The following SACS variants were observed in gnomAD, a reference collection of about 807,000 sequenced individuals.
SACS encodes the protein sacsin molecular chaperone.
SACS carries 197 observed loss-of-function variants against 348.0 expected under a neutral mutation model. The ratio of observed to expected loss-of-function variants is 0.57; its 90% CI spans 0.50 to 0.64. The LOEUF is 0.64. SACS is among the 30% of genes least tolerant of loss of function. The probability of loss-of-function intolerance (pLI) is 0.00; values close to 1 mark genes in which losing one functional copy is unlikely to be tolerated. For synonymous variants in SACS, 1,985 were observed against 1,910.6 expected, an observed-to-expected ratio of 1.04 and a Z score of -1.02; for missense variants, 4,999 against 5,360.8, an observed-to-expected ratio of 0.93 and a Z score of 2.11.
intron 5 of SACS, among the ~76,000 whole-genome samples, chr13:23,366,696 T>TC (rs1871087832): frequency 6.6e-6 from 1 of 152,174 alleles, no homozygotes; most frequent in South Asian, 2.1e-4. Context: ...AAAATCTAAG[T>TC]CCCAGGTTCC....
At position 23,402,174 on chromosome 13, in the gene SACS, T is replaced by A. The variant is rs9550969; in HGVS notation, c.20+9046A>T. ...GCCTGGGCAAAAGAGCGAGACTCCATCTCGAAAAAAAAAAAAAAAAGACTT... is the reference window on the plus strand; with the variant it reads ...GCCTGGGCAAAAGAGCGAGACTCCAACTCGAAAAAAAAAAAAAAAAGACTT... On this transcript the variant is annotated intron_variant, in intron 2 of 9. Coordinates refer to ENST00000382292, the MANE Select transcript of SACS (RefSeq NM_014363.6). Among the ~76,000 whole-genome samples the A allele has an allele frequency of 2.2e-4, 31 of 138,826 alleles. No homozygotes were observed. In the East Asian group the frequency reaches 5.6e-3, roughly 25 times the overall value. 91.1% of individuals were successfully genotyped at this position (138,826 alleles called of 152,430 possible).
chr13:23,362,366 TATAAAAATGA>T (rs1015271888), intron 6 of SACS, among the ~76,000 whole-genome samples: 5 of 152,156 alleles, frequency 3.3e-5, no homozygotes, highest in African/African-American at 1.2e-4. Context: ...TATCTCATTA[TATAAAAATGA>T]ATAAAAATAA....
Position 23,340,588 on chromosome 13 carries a change from G to C in SACS, c.3288C>G (p.Ala1096=). 1.2e-6 allele frequency: 2 copies of C among 1,613,404 alleles called. No homozygotes were observed. Residue 1096 remains alanine, a synonymous_variant, in exon 10 of 10, where the codon GCC becomes GCG. Coordinates refer to ENST00000382292, the MANE Select transcript of SACS (RefSeq NM_014363.6). ...GCACAACATCCTTTTCTTTGAGACT[G>C]GCTTCGTTTTTTAAACCAATCTGTC... The part of the protein sequence containing the change: ...SLRQIGLKNE[A]SLKEKDVVQV...
intron 2 of SACS, among the ~76,000 whole-genome samples, chr13:23,399,037 A>AAAAAAAAAAAC (rs55848856): frequency 1.3e-5 from 2 of 149,736 alleles, no homozygotes; most frequent in African/African-American, 5.0e-5. Context: ...AAAAAAAAAA[A>AAAAAAAAAAAC]CATGGATGCC....
intron 9 of SACS, 87 bp from the exon 10 acceptor site, chr13:23,341,777 GTTCTT>G (rs1869255907): frequency 6.5e-6 from 4 of 616,886 alleles, no homozygotes; most frequent in East Asian, 3.8e-5. Flanking sequence ...GTACTGGAAG[GTTCTT>G]TTTTTTTTTT....
rs372602264 is a variant in SACS, at chr13:23,335,654, A to G, written c.8222T>C (p.Leu2741Pro). 4 of 1,613,904 alleles carry G rather than the reference A, an allele frequency of 2.5e-6. No homozygotes were observed. The highest frequency in any genetic ancestry group is 3.4e-6 in the Non-Finnish European group (4 of 1,179,916). Residue 2741 changes from leucine (L) to proline (P), a missense_variant, in exon 10 of 10, where the codon CTT (leucine) becomes CCT (proline). This residue lies in a region of SACS where 3,156 missense variants were observed against 3,380.1 expected (regional missense o/e 0.93). Coordinates refer to ENST00000382292, the MANE Select transcript of SACS (RefSeq NM_014363.6). This position sits in a 1 kb window ranked among gnomAD's most constrained non-coding sequence, Gnocchi z 4.7. The part of the protein sequence containing the change: ...RSDGAELLMF[L>P]NHMEKISICE... ...AATAGAAATTTTTTCCATGTGATTA[A>G]GAAACATTAGAAGTTCTGCCCCATC...
intron 2 of SACS, among the ~76,000 whole-genome samples, chr13:23,403,969 AACTT>A (rs1205803608): frequency 1.3e-5 from 2 of 152,166 alleles, no homozygotes; most frequent in African/African-American, 2.4e-5. Context: ...GGTTTCAAAG[AACTT>A]ATTTATTTCT....
At position 23,432,573 on chromosome 13, in the gene SACS, G is replaced by A. The variant is rs548398731; in HGVS notation, c.-502+1042C>T. 1.5e-4 allele frequency among the ~76,000 whole-genome samples: 23 copies of A among 152,290 alleles called. 1 individual carries two copies. The South Asian group carries it at 3.1e-3, about 21-fold the overall frequency. ...TGGGACATCATGACCCTGCATTAAC[G>A]TAGAATGAGTCTGGTTATCAATGGG... On this transcript the variant is annotated intron_variant, in intron 1 of 9. Transcript: ENST00000382292.
intron 8 of SACS, 21 bp from the exon 9 acceptor site, chr13:23,353,897 C>A (rs757227466): frequency 7.7e-7 from 1 of 1,304,476 alleles, no homozygotes. Context: ...AAAGGAACAG[C>A]AATCATCATA....
At chr13:23,388,124 A>G (rs959686466) in intron 2 of SACS, among the ~76,000 whole-genome samples, 4 of 152,282 alleles carry the variant, frequency 2.6e-5, no homozygotes, top group Middle Eastern at 3.4e-3. Flanking sequence ...AGACGTCATT[A>G]TATCAAAAAG....
At position 23,332,907 on chromosome 13, in the gene SACS, C is replaced by A; in HGVS notation, c.10969G>T (p.Glu3657Ter). Residue 3657 changes from glutamate to a stop codon, truncating the protein, a stop_gained, in exon 10 of 10, where the codon GAG becomes TAG. Transcript: ENST00000382292. LOFTEE classifies it high-confidence loss of function. Reference protein sequence around the residue: ...ELSLIPFLCPERAPAEFIRFH... With the variant: ...ELSLIPFLCP Reference sequence around the variant, plus strand: ...CTAATGAATTCCGCGGGGGCCCGCTCAGGACATAAGAATGGTATTAAAGAT... The same window carrying A: ...CTAATGAATTCCGCGGGGGCCCGCTAAGGACATAAGAATGGTATTAAAGAT... The A allele has an allele frequency of 6.2e-7, 1 of 1,613,900 alleles. No homozygotes were observed. Among genetic ancestry groups the A allele is most frequent in the South Asian group, 1.1e-5 (1 of 91,074 alleles).
At position 23,329,374 on chromosome 13, in the gene SACS, A is replaced by G. The variant is rs1883324336; in HGVS notation, c.*762T>C. ...ACAAACATAAAGCAAGTGTTCTAACAGTTAATAAATGTTGTCTTGGCAAGC... is the reference window on the plus strand; with the variant it reads ...ACAAACATAAAGCAAGTGTTCTAACGGTTAATAAATGTTGTCTTGGCAAGC... On this transcript the variant is annotated 3_prime_UTR_variant, in exon 10 of 10. Transcript: ENST00000382292. 4 of 734,316 alleles carry G rather than the reference A, an allele frequency of 5.4e-6. No individual in the cohort carries two copies. Among genetic ancestry groups the G allele is most frequent in the Non-Finnish European group, 1.0e-5 (4 of 400,230 alleles). The allele number at this position is 734,316 out of a possible 1,614,324, so 45.5% of individuals were successfully genotyped here. A position where few individuals can be genotyped will look rare whatever the true frequency, so the allele number is the denominator to read the frequency against.
Position 23,335,697 on chromosome 13 carries a change from A to G in SACS, c.8179T>C (p.Leu2727=), listed in dbSNP as rs1868521401. The change falls in exon 10 of 10, where the codon TTG becomes CTG. Residue 2727 remains leucine (L), a synonymous_variant. Transcript: ENST00000382292. The surrounding 1 kb of genome is among the most constrained non-coding windows in gnomAD (Gnocchi z 4.7). The part of the protein sequence containing the change: ...PASDRMVQNL[L]DKLRSDGAEL... Reference sequence around the variant, plus strand: ...GCCCCATCTGAGCGCAGTTTGTCCAAAAGATTCTGGACCATTCTGTCTGAT... The same window carrying G: ...GCCCCATCTGAGCGCAGTTTGTCCAGAAGATTCTGGACCATTCTGTCTGAT... 3.7e-6 allele frequency: 6 copies of G among 1,613,934 alleles called. No homozygotes were observed. In the South Asian group the frequency reaches 5.5e-5, roughly 15 times the overall value.
chr13:23,394,855 G>A (rs1192000667), intron 2 of SACS, among the ~76,000 whole-genome samples: 2 of 152,100 alleles, frequency 1.3e-5, no homozygotes, highest in Admixed American at 6.6e-5. Context: ...TCTCCCTCTC[G>A]AAAACAAACA....
chr13:23,382,491 T>C (rs999710499), intron 2 of SACS, among the ~76,000 whole-genome samples: 2 of 152,246 alleles, frequency 1.3e-5, no homozygotes, highest in Non-Finnish European at 2.9e-5. Flanking sequence ...GCATTGGATA[T>C]ATTAAATAGT....
In SACS at chr13:23,331,011, A is replaced by C. The variant is rs768238035; in HGVS notation, c.12865T>G (p.Ser4289Ala). 4 of 1,614,102 alleles carry C rather than the reference A, an allele frequency of 2.5e-6. No individual in the cohort carries two copies. In the South Asian group the frequency reaches 4.4e-5, roughly 18 times the overall value. Residue 4289 changes from serine (S) to alanine (A), a missense_variant, in exon 10 of 10, where the codon TCT becomes GCT. Coordinates refer to ENST00000382292, the MANE Select transcript of SACS (RefSeq NM_014363.6). ...LFSGRESHKT[S>A]SKHQSPKKLK... ...TTTTTGGGGGACTGATGTTTGGAAG[A>C]AGTCTTGTGGCTCTCTCTACCAGAG...
chr13:23,367,342 C>G (rs9580605), intron 5 of SACS, among the ~76,000 whole-genome samples: 4,086 of 152,264 alleles, frequency 0.027, 172 homozygotes, highest in African/African-American at 0.093. Context: ...CCTACCTGAG[C>G]ATGACTCTCT....
chr13:23,363,366 TA>T (rs1870860593), intron 6 of SACS, among the ~76,000 whole-genome samples: 1 of 152,022 alleles, frequency 6.6e-6, no homozygotes, highest in Non-Finnish European at 1.5e-5. Flanking sequence ...TAGCTGTGAT[TA>T]CAGGTGCCCG....
chr13:23,372,682 C>T (rs1871469869), intron 3 of SACS, among the ~76,000 whole-genome samples: 1 of 152,162 alleles, frequency 6.6e-6, no homozygotes, highest in Non-Finnish European at 1.5e-5. Context: ...AACAGCTGAA[C>T]TATATATAAA....
Sources: gnomAD v4.1 joint callset for allele counts (sites outside exome capture counted in the v4.1 genomes callset) on GRCh38, gnomAD v4.1.1 for gene constraint, gnomAD v4.1.1 regional missense constraint, Gnocchi (gnomAD v3.1) non-coding constraint, MANE v1.5 for transcripts, NCBI Gene and HGNC (gene_info 2026-07-23, HGNC 2026-07-21) for gene names.